GOLGA6L9: variants seen among roughly 807,000 people sequenced by gnomAD.
GOLGA6L9 encodes the protein golgin subfamily A member 6-like protein 9.
A neutral mutation model predicts 51.3 loss-of-function variants in GOLGA6L9; 19 were observed. The observed-to-expected ratio is 0.37, with a 90% confidence interval of 0.26 to 0.54. The LOEUF (loss-of-function observed/expected upper bound fraction) is 0.54, where lower values mean the gene tolerates loss of function less well. GOLGA6L9 is among the 20% of genes least tolerant of loss of function. The pLI is 0.83. For synonymous variants in GOLGA6L9, 97 were observed against 184.2 expected (o/e 0.53, Z 3.83); for missense variants, 247 against 464.1 (o/e 0.53, Z 4.30).
At chr15:82,432,346 A>G in intron 2 of GOLGA6L9, 1 of 872,696 alleles carries the variant, frequency 1.1e-6, no homozygotes, top group East Asian at 2.9e-5. Flanking sequence ...GAGAAGAGCC[A>G]CTTGCCATCA....
upstream of GOLGA6L9, among the ~76,000 whole-genome samples, chr15:82,427,412 T>C (rs1439578319): frequency 8.5e-5 from 13 of 152,240 alleles, no homozygotes; most frequent in Non-Finnish European, 1.3e-4. Flanking sequence ...CCTCCCTCCT[T>C]CTTCCCTTTT....
chr15:82,417,009 G>A, the GOLGA6L9 span, among the ~76,000 whole-genome samples: 2 of 151,978 alleles, frequency 1.3e-5, no homozygotes, highest in South Asian at 4.1e-4. Flanking sequence ...CTGTATACTC[G>A]TCTCCCCCAC....
At chr15:82,416,924 C>T in the GOLGA6L9 span, among the ~76,000 whole-genome samples, 63 of 152,246 alleles carry the variant, frequency 4.1e-4, no homozygotes, top group African/African-American at 1.3e-3. Flanking sequence ...CAGAGTTATG[C>T]AGCCATTACC....
In GOLGA6L9 at chr15:82,436,554, T is replaced by C. The variant is rs2031687839; in HGVS notation, c.*143T>C. ...TTTAAATTTATTTGTGTTTCTAATT[T>C]ATAGTTTAAATTTATTTGTTTCTAA... On this transcript the variant is annotated 3_prime_UTR_variant, in exon 9 of 9. Coordinates refer to ENST00000618348, the MANE Select transcript of GOLGA6L9 (RefSeq NM_198181.4). The C allele has an allele frequency of 3.8e-6, 4 of 1,063,072 alleles. No homozygotes were observed. In the Admixed American group the frequency reaches 1.2e-4, roughly 31 times the overall value. 65.9% of individuals were successfully genotyped at this position (1,063,072 alleles called of 1,614,324 possible). A position where few individuals can be genotyped will look rare whatever the true frequency, so the allele number is the denominator to read the frequency against.
chr15:82,435,398 C>G (rs1260766267), intron 7 of GOLGA6L9: 1 of 288,502 alleles, frequency 3.5e-6, no homozygotes, highest in African/African-American at 2.3e-5. Flanking sequence ...CCCAGCTACT[C>G]AGGAGGCTGA....
At position 82,431,948 on chromosome 15, in the gene GOLGA6L9, A is replaced by T. The variant is rs1398171699; in HGVS notation, c.203A>T (p.Asp68Val). 5.6e-5 allele frequency: 76 copies of T among 1,352,962 alleles called. 20 individuals carry two copies. Among genetic ancestry groups the T allele is most frequent in the Non-Finnish European group, 7.3e-5 (75 of 1,022,550 alleles). The allele number at this position is 1,352,962 out of a possible 1,614,324, so 83.8% of individuals were successfully genotyped here. A position where few individuals can be genotyped will look rare whatever the true frequency, so the allele number is the denominator to read the frequency against. Reference sequence around the variant, plus strand: ...TCTGGTGGTTACCACTCACCTGGGGATGTGAGTCTCGGCGGGCCAGGCTCC... The same window carrying T: ...TCTGGTGGTTACCACTCACCTGGGGTTGTGAGTCTCGGCGGGCCAGGCTCC... ...FTSGGYHSPGDSATGIYGEGR... is the reference protein window; with the variant it reads ...FTSGGYHSPGVSATGIYGEGR... Residue 68 changes from aspartate to valine, a missense_variant and splice_region_variant, in exon 2 of 9, where the codon GAT becomes GTT. By Grantham distance (152) the Asp-to-Val change is radical. Transcript: ENST00000618348.
the GOLGA6L9 span, among the ~76,000 whole-genome samples, chr15:82,416,713 A>G: frequency 1.3e-5 from 2 of 152,244 alleles, no homozygotes; most frequent in East Asian, 1.9e-4. Flanking sequence ...GATTTTAGTC[A>G]GGGTAAAGCT....
upstream of GOLGA6L9, among the ~76,000 whole-genome samples, chr15:82,429,300 C>G (rs878945224): frequency 2.6e-5 from 4 of 152,296 alleles, no homozygotes; most frequent in Non-Finnish European, 4.4e-5. Context: ...GTCTCGAACT[C>G]CTGACCTCAG....
chr15:82,432,868 A>T lies in GOLGA6L9; in HGVS notation c.316A>T (p.Ser106Cys), dbSNP rs1345911686. ...CCTGGATTCAAGCTCCGCAATAATCAGTCAACTCACTGAAAACATCAATTC... is the reference window on the plus strand; with the variant it reads ...CCTGGATTCAAGCTCCGCAATAATCTGTCAACTCACTGAAAACATCAATTC... ...VALDSSSAIISQLTENINSLV... is the reference protein window; with the variant it reads ...VALDSSSAIICQLTENINSLV... Residue 106 changes from serine to cysteine, a missense_variant, in exon 4 of 9, where the codon AGT becomes TGT. By Grantham distance (112) the Ser-to-Cys change is moderately radical. This residue lies in a region of GOLGA6L9 where 74 missense variants were observed against 91.2 expected (regional missense o/e 0.81). Transcript: ENST00000618348. The T allele has an allele frequency of 6.2e-7, 1 of 1,612,294 alleles. No individual in the cohort carries two copies. Among genetic ancestry groups the T allele is most frequent in the African/African-American group, 1.3e-5 (1 of 74,732 alleles).
Position 82,432,650 on chromosome 15 carries a change from A to C in GOLGA6L9, c.264+19A>C. On this transcript the variant is annotated intron_variant, in intron 3 of 8. Transcript: ENST00000618348. Reference sequence around the variant, plus strand: ...TCTGGAGGTAAGAGGCCCTGGGCCGAGGTGCAGTGACCCTGCAGGCCAGCC... The same window carrying C: ...TCTGGAGGTAAGAGGCCCTGGGCCGCGGTGCAGTGACCCTGCAGGCCAGCC... 8 of 1,602,242 alleles carry C rather than the reference A, an allele frequency of 5.0e-6. No individual in the cohort carries two copies. Among genetic ancestry groups the C allele is most frequent in the Non-Finnish European group, 6.8e-6 (8 of 1,177,864 alleles).
upstream of GOLGA6L9, among the ~76,000 whole-genome samples, chr15:82,429,018 T>A (rs1312266761): frequency 2.0e-5 from 3 of 152,180 alleles, no homozygotes; most frequent in Non-Finnish European, 4.4e-5. Flanking sequence ...GTAAAGAGCT[T>A]TAAGTGCTTA....
Position 82,436,397 on chromosome 15 carries a change from A to G in GOLGA6L9, c.1285A>G (p.Ile429Val), listed in dbSNP as rs2031673186. The G allele has an allele frequency of 3.8e-6, 6 of 1,594,778 alleles. 1 individual carries two copies. Among genetic ancestry groups the G allele is most frequent in the Non-Finnish European group, 5.1e-6 (6 of 1,177,470 alleles). Residue 429 changes from isoleucine to valine, a missense_variant, in exon 9 of 9, where the codon ATC (isoleucine) becomes GTC (valine). By Grantham distance (29) the Ile-to-Val change is conservative (BLOSUM62 3). Around this residue, in one of 9 missense-constraint regions of GOLGA6L9, gnomAD observed 20 missense variants for 25.1 expected, o/e 0.80. Transcript: ENST00000618348. ...GGCTGCCGAGAACAGGGAGCTAAACATCACCATCATCTAAGAGCGGGTCAA... is the reference window on the plus strand; with the variant it reads ...GGCTGCCGAGAACAGGGAGCTAAACGTCACCATCATCTAAGAGCGGGTCAA... ...FRAAENRELN[I>V]TII
At position 82,434,295 on chromosome 15, in the gene GOLGA6L9, A is replaced by G. The variant is rs2031561841; in HGVS notation, c.695A>G (p.Gln232Arg). ...LCEQEERLRE[Q>R]EERLCEQEKL... The stretch of plus-strand genomic sequence containing the variant: ...GAACAGGAGGAGAGGCTACGTGAAC[A>G]GGAGGAGAGGCTGTGTGAACAGGAG... The change falls in exon 6 of 9, where the codon CAG becomes CGG. Residue 232 changes from glutamine (Q) to arginine (R), a missense_variant. Transcript: ENST00000618348. 3.9e-6 allele frequency: 6 copies of G among 1,549,632 alleles called. No individual in the cohort carries two copies. The Admixed American group carries it at 1.1e-4, about 30-fold the overall frequency.
At position 82,436,548 on chromosome 15, in the gene GOLGA6L9, C is replaced by T. The variant is rs1486961294; in HGVS notation, c.*137C>T. The T allele has an allele frequency of 1.4e-5, 16 of 1,145,870 alleles. No individual in the cohort carries two copies. Among genetic ancestry groups the T allele is most frequent in the South Asian group, 1.7e-5 (1 of 60,540 alleles). The allele number at this position is 1,145,870 out of a possible 1,614,324, so 71.0% of individuals were successfully genotyped here. On this transcript the variant is annotated 3_prime_UTR_variant, in exon 9 of 9. Transcript: ENST00000618348. ...TTATAGTTTAAATTTATTTGTGTTT[C>T]TAATTTATAGTTTAAATTTATTTGT...
At chr15:82,416,890 C>CTTTGA in the GOLGA6L9 span, among the ~76,000 whole-genome samples, 1 of 152,132 alleles carries the variant, frequency 6.6e-6, no homozygotes, top group Non-Finnish European at 1.5e-5. Context: ...TTGAAGTGTA[C>CTTTGA]AGTTTGGTGG....
At chr15:82,420,358 A>G in the GOLGA6L9 span, among the ~76,000 whole-genome samples, 1 of 151,946 alleles carries the variant, frequency 6.6e-6, no homozygotes, top group South Asian at 2.1e-4. Context: ...TATGTATACC[A>G]TAGTAAAAGT....
chr15:82,417,403 G>C, the GOLGA6L9 span, among the ~76,000 whole-genome samples: 1 of 152,184 alleles, frequency 6.6e-6, no homozygotes, highest in Non-Finnish European at 1.5e-5. Context: ...TAATACAGTA[G>C]TAGAGTCGAC....
At chr15:82,433,170 G>A (rs1172046953) in intron 4 of GOLGA6L9, among the ~76,000 whole-genome samples, 1 of 150,990 alleles carries the variant, frequency 6.6e-6, no homozygotes, top group Non-Finnish European at 1.5e-5. Context: ...GGAAGCACTA[G>A]CCTGACTGGT....
the GOLGA6L9 span, among the ~76,000 whole-genome samples, chr15:82,418,266 A>G: frequency 6.6e-6 from 1 of 152,238 alleles, no homozygotes; most frequent in Non-Finnish European, 1.5e-5. Flanking sequence ...GGAATGGAAG[A>G]TGCGCAGGCT....
Sources: gnomAD v4.1 joint callset for allele counts (sites outside exome capture counted in the v4.1 genomes callset) on GRCh38, gnomAD v4.1.1 for gene constraint, gnomAD v4.1.1 regional missense constraint, MANE v1.5 for transcripts, NCBI Gene and HGNC (gene_info 2026-07-23, HGNC 2026-07-21) for gene names.